Variants in LRRTM4 observed in about 807,000 individuals in gnomAD.
LRRTM4 encodes the protein leucine rich repeat transmembrane neuronal 4, also known as leucine-rich repeat transmembrane neuronal protein 4.
Under a neutral mutation model 47.6 loss-of-function variants are expected in LRRTM4, and 25 were observed. The ratio of observed to expected loss-of-function variants is 0.53; its 90% confidence interval spans 0.38 to 0.73. The LOEUF (loss-of-function observed/expected upper bound fraction) is 0.73, where lower values mean the gene tolerates loss of function less well. Among genes scored for constraint, LRRTM4 ranks in the 30% least tolerant of loss-of-function variants. The pLI, the probability that LRRTM4 is intolerant of heterozygous loss-of-function variation, is 0.00. For missense variants in LRRTM4, 638 were observed against 713.4 expected (o/e 0.89, Z 1.20); for synonymous variants, 311 against 269.5 (o/e 1.15, Z -1.51).
chr2:76,899,176 TA>T (rs1366924399), intron 3 of LRRTM4, among the ~76,000 whole-genome samples: 1 of 151,904 alleles, frequency 6.6e-6, no homozygotes, highest in African/African-American at 2.4e-5. Flanking sequence ...TACCTCAAGA[TA>T]AGAAAAAACT....
intron 3 of LRRTM4, among the ~76,000 whole-genome samples, chr2:77,015,606 G>A (rs914661528): frequency 2.6e-5 from 4 of 152,098 alleles, no homozygotes; most frequent in Non-Finnish European, 5.9e-5. Flanking sequence ...TTACAGGTGT[G>A]AGCCACCATG....
intron 3 of LRRTM4, among the ~76,000 whole-genome samples, chr2:77,180,170 G>A (rs770977962): frequency 6.6e-6 from 1 of 152,074 alleles, no homozygotes; most frequent in Non-Finnish European, 1.5e-5. Flanking sequence ...GAACCTTGAT[G>A]GACTACTATA....
At chr2:76,827,088 C>G (rs1191030438) in intron 3 of LRRTM4, among the ~76,000 whole-genome samples, 1 of 151,818 alleles carries the variant, frequency 6.6e-6, no homozygotes, top group Non-Finnish European at 1.5e-5. Flanking sequence ...CATGGTAAAT[C>G]AATAAAGTGG....
At chr2:77,024,374 A>G (rs932281744) in intron 3 of LRRTM4, among the ~76,000 whole-genome samples, 2 of 152,064 alleles carry the variant, frequency 1.3e-5, no homozygotes, top group Non-Finnish European at 2.9e-5. Context: ...CTTTAGCATA[A>G]TATCCTCCAA....
At chr2:76,905,585 G>T (rs559547385) in intron 3 of LRRTM4, among the ~76,000 whole-genome samples, 1 of 151,406 alleles carries the variant, frequency 6.6e-6, no homozygotes, top group African/African-American at 2.4e-5. Flanking sequence ...AGGCAAAGAA[G>T]TTAAAAACTT....
At chr2:77,036,371 T>C (rs2104159465) in intron 3 of LRRTM4, among the ~76,000 whole-genome samples, 1 of 151,880 alleles carries the variant, frequency 6.6e-6, no homozygotes, top group East Asian at 1.9e-4. Flanking sequence ...TTCTTCCCCC[T>C]CAGGCTTGTC....
At chr2:77,274,448 G>A (rs1402670935) in intron 3 of LRRTM4, among the ~76,000 whole-genome samples, 1 of 152,068 alleles carries the variant, frequency 6.6e-6, no homozygotes, top group Non-Finnish European at 1.5e-5. Flanking sequence ...CTTATGGGAA[G>A]AATTTTTTTA....
chr2:76,804,032 G>A (rs1237116870), intron 3 of LRRTM4, among the ~76,000 whole-genome samples: 2 of 152,056 alleles, frequency 1.3e-5, no homozygotes, highest in Non-Finnish European at 2.9e-5. Context: ...TGTTACTCTG[G>A]GACAGCCTCT....
At position 77,519,926 on chromosome 2, in the gene LRRTM4, T is replaced by G; in HGVS notation, c.5-62A>C. The G allele has an allele frequency of 6.8e-7, 1 of 1,476,500 alleles. No homozygotes were observed. The highest frequency in any genetic ancestry group is 1.8e-4 in the Middle Eastern group (1 of 5,586). 91.5% of individuals were successfully genotyped at this position (1,476,500 alleles called of 1,614,324 possible). A position where few individuals can be genotyped will look rare whatever the true frequency, so the allele number is the denominator to read the frequency against. Reference sequence around the variant, plus strand: ...AGCTATTAAAATAAATCACCGTCGGTTTACCAACAACAGGGGCATTTCCTC... The same window carrying G: ...AGCTATTAAAATAAATCACCGTCGGGTTACCAACAACAGGGGCATTTCCTC... On this transcript the variant is annotated intron_variant, in intron 2 of 3. Transcript: ENST00000409884. This position sits in a 1 kb window ranked among gnomAD's most constrained non-coding sequence, Gnocchi z 4.6.
chr2:77,207,458 CAT>C (rs1674167723), intron 3 of LRRTM4, among the ~76,000 whole-genome samples: 1 of 150,806 alleles, frequency 6.6e-6, no homozygotes, highest in Non-Finnish European at 1.5e-5. Flanking sequence ...CACACTTAGA[CAT>C]TACCTTCTGT....
intron 3 of LRRTM4, among the ~76,000 whole-genome samples, chr2:77,377,982 C>CTT (rs1302995628): frequency 1.3e-5 from 2 of 151,896 alleles, no homozygotes; most frequent in South Asian, 4.1e-4. Flanking sequence ...AATTGTACAT[C>CTT]TTTTAAAAAT....
chr2:77,126,633 T>G (rs1391242254), intron 3 of LRRTM4, among the ~76,000 whole-genome samples: 1 of 152,110 alleles, frequency 6.6e-6, no homozygotes, highest in East Asian at 1.9e-4. Context: ...ATCCTACAAG[T>G]GAAATATGCG....
intron 3 of LRRTM4, among the ~76,000 whole-genome samples, chr2:77,140,543 A>G (rs1214901784): frequency 2.6e-3 from 328 of 128,296 alleles, no homozygotes; most frequent in African/African-American, 4.2e-3. Context: ...CCTAGGCAAT[A>G]CCATTCAGGA....
chr2:77,230,552 T>A (rs1674933881), intron 3 of LRRTM4, among the ~76,000 whole-genome samples: 1 of 152,172 alleles, frequency 6.6e-6, no homozygotes, highest in African/African-American at 2.4e-5. Context: ...AGCAATCCCA[T>A]CACTTGCTAA....
intron 3 of LRRTM4, among the ~76,000 whole-genome samples, chr2:76,751,953 T>G (rs892064249): frequency 2.6e-5 from 4 of 152,162 alleles, no homozygotes; most frequent in African/African-American, 9.7e-5. Flanking sequence ...GGAAACAACA[T>G]TCACTGATTA....
At chr2:77,299,239 CTCTT>C (rs1025536493) in intron 3 of LRRTM4, among the ~76,000 whole-genome samples, 15 of 130,022 alleles carry the variant, frequency 1.2e-4, no homozygotes, top group African/African-American at 4.0e-4. Flanking sequence ...ATCTCTCTCT[CTCTT>C]TATCTATATA....
At chr2:77,004,831 G>A (rs1677575440) in intron 3 of LRRTM4, among the ~76,000 whole-genome samples, 1 of 152,166 alleles carries the variant, frequency 6.6e-6, no homozygotes, top group Admixed American at 6.5e-5. Context: ...TCTTGCATCA[G>A]CATGACCTAG....
chr2:77,116,277 A>T (rs1671387160), intron 3 of LRRTM4, among the ~76,000 whole-genome samples: 1 of 152,156 alleles, frequency 6.6e-6, no homozygotes, highest in Non-Finnish European at 1.5e-5. Context: ...TGAAAAAAAA[A>T]AAGAAAATTC....
chr2:77,088,418 G>A (rs913889353), intron 3 of LRRTM4, among the ~76,000 whole-genome samples: 1 of 152,126 alleles, frequency 6.6e-6, no homozygotes, highest in African/African-American at 2.4e-5. Context: ...CCTTGTGAAA[G>A]TCCTTTTCCT....
Sources: gnomAD v4.1 joint callset for allele counts (sites outside exome capture counted in the v4.1 genomes callset) on GRCh38, gnomAD v4.1.1 for gene constraint, Gnocchi (gnomAD v3.1) non-coding constraint, MANE v1.5 for transcripts, NCBI Gene and HGNC (gene_info 2026-07-23, HGNC 2026-07-21) for gene names.